Variants in CHCHD3 observed in about 807,000 individuals in gnomAD.
CHCHD3 encodes the protein MICOS complex subunit MIC19.
Under a neutral mutation model 38.2 loss-of-function variants are expected in CHCHD3, and 20 were observed. The ratio of observed to expected loss-of-function variants is 0.52; its 90% CI spans 0.37 to 0.76. The LOEUF (loss-of-function observed/expected upper bound fraction) is 0.76, where lower values mean the gene tolerates loss of function less well. Ranked by LOEUF, CHCHD3 falls within the 30% of genes least tolerant of loss-of-function variation. The pLI is 0.00. For missense variants in CHCHD3, 245 were observed against 279.2 expected, an observed-to-expected ratio of 0.88 and a Z score of 0.87; for synonymous variants, 82 against 100.0, an observed-to-expected ratio of 0.82 and a Z score of 1.07.
intron 4 of CHCHD3, among the ~76,000 whole-genome samples, chr7:132,930,551 T>A (rs1322473277): frequency 1.3e-5 from 2 of 152,154 alleles, no homozygotes; most frequent in Admixed American, 1.3e-4. Flanking sequence ...AATCCTCGAA[T>A]GCAGAGTGTT....
rs185196024 is a variant in CHCHD3 at position 132,839,185 on chromosome 7, T to A, written c.454-716A>T. 2.0e-3 allele frequency among the ~76,000 whole-genome samples: 296 copies of A among 150,028 alleles called. 1 individual carries two copies. Among genetic ancestry groups the A allele is most frequent in the Non-Finnish European group, 1.1e-3 (77 of 67,572 alleles). ...CCAGTCTGGGCAACAAGAGCAAAATTCCATCTCAAAAAAAAAAAAAAGTTT... is the reference window on the plus strand; with the variant it reads ...CCAGTCTGGGCAACAAGAGCAAAATACCATCTCAAAAAAAAAAAAAAGTTT... On this transcript the variant is annotated intron_variant, in intron 5 of 7. Coordinates refer to ENST00000262570, the MANE Select transcript of CHCHD3 (RefSeq NM_017812.4).
chr7:133,049,811 A>G (rs1430571469), intron 2 of CHCHD3, among the ~76,000 whole-genome samples: 1 of 152,230 alleles, frequency 6.6e-6, no homozygotes, highest in Non-Finnish European at 1.5e-5. Context: ...GTGTTTAACC[A>G]TTTAGAATAA....
intron 5 of CHCHD3, among the ~76,000 whole-genome samples, chr7:132,875,520 A>G (rs990320989): frequency 1.3e-5 from 2 of 152,234 alleles, no homozygotes; most frequent in Admixed American, 1.3e-4. Flanking sequence ...TTTCCCCCCA[A>G]AATCCCATGA....
intron 6 of CHCHD3, among the ~76,000 whole-genome samples, chr7:132,807,606 A>ATATATATATAT (rs1806956322): frequency 9.2e-6 from 1 of 108,926 alleles, no homozygotes; most frequent in Non-Finnish European, 1.9e-5. Flanking sequence ...CATACACATA[A>ATATATATATAT]ATATATATAT....
intron 2 of CHCHD3, among the ~76,000 whole-genome samples, chr7:133,063,976 T>C (rs1814597099): frequency 6.6e-6 from 1 of 152,192 alleles, no homozygotes. Context: ...CTTCCCCTGA[T>C]GCCAGGCCTG....
chr7:132,938,862 C>A (rs150975390), intron 4 of CHCHD3, among the ~76,000 whole-genome samples: 54 of 152,224 alleles, frequency 3.5e-4, no homozygotes, highest in African/African-American at 1.3e-3. Context: ...ACCCACTGAC[C>A]CCACTGGGTG....
chr7:132,791,082 A>C (rs1311468660), intron 7 of CHCHD3, among the ~76,000 whole-genome samples: 2 of 152,200 alleles, frequency 1.3e-5, no homozygotes, highest in Non-Finnish European at 2.9e-5. Flanking sequence ...AAGGTCAAAG[A>C]CCTTTAATGC....
chr7:132,815,738 T>G, intron 6 of CHCHD3: 1 of 329,328 alleles, frequency 3.0e-6, no homozygotes, highest in Admixed American at 3.9e-5. Context: ...CTTCCTCCTT[T>G]CTCTCCCCTT....
At chr7:133,041,494 A>C (rs556133936) in intron 2 of CHCHD3, among the ~76,000 whole-genome samples, 2 of 152,274 alleles carry the variant, frequency 1.3e-5, no homozygotes, top group South Asian at 2.1e-4. Context: ...TGGCAAGCTA[A>C]CCTTTAATGA....
At chr7:132,858,941 C>G (rs1161338250) in intron 5 of CHCHD3, among the ~76,000 whole-genome samples, 6 of 152,126 alleles carry the variant, frequency 3.9e-5, no homozygotes, top group African/African-American at 1.2e-4. Context: ...AACTAAGGCC[C>G]TCCAAAATGA....
At chr7:133,055,399 AAT>A (rs1404319233) in intron 2 of CHCHD3, among the ~76,000 whole-genome samples, 5 of 145,066 alleles carry the variant, frequency 3.4e-5, no homozygotes, top group Middle Eastern at 3.6e-3. Flanking sequence ...ATATAATTAT[AAT>A]AGTTATGTTA....
chr7:133,050,876 C>T (rs1186194848), intron 2 of CHCHD3, among the ~76,000 whole-genome samples: 5 of 151,856 alleles, frequency 3.3e-5, no homozygotes, highest in African/African-American at 1.2e-4. Context: ...ATTAGCCAGG[C>T]GTGGTGGAAC....
intron 4 of CHCHD3, among the ~76,000 whole-genome samples, chr7:132,913,948 CTTTTTT>C (rs71178066): frequency 2.0e-5 from 2 of 102,334 alleles, no homozygotes; most frequent in Non-Finnish European, 3.9e-5. Context: ...TTTTCTTTTT[CTTTTTT>C]TTTTTTTTTT....
chr7:132,915,958 T>TAA (rs1810096209), intron 4 of CHCHD3, among the ~76,000 whole-genome samples: 1 of 151,462 alleles, frequency 6.6e-6, no homozygotes, highest in African/African-American at 2.4e-5. Flanking sequence ...TAAAAAAATT[T>TAA]TTTTTTTTTT....
chr7:132,985,667 C>A lies in CHCHD3; in HGVS notation c.252-10381G>T, dbSNP rs866182996. Among the ~76,000 whole-genome samples, 3 of 44,800 alleles carry A rather than the reference C, an allele frequency of 6.7e-5. 1 individual carries two copies. Among genetic ancestry groups the A allele is most frequent in the Non-Finnish European group, 1.3e-4 (3 of 22,578 alleles). The allele number at this position is 44,800 out of a possible 152,430, so 29.4% of individuals were successfully genotyped here. On this transcript the variant is annotated intron_variant, in intron 3 of 7. Transcript: ENST00000262570. ...CCTCTGCCCGGCCAGCCGCCCCATC[C>A]GGGAGGGAGGTGGGGGGGGGGTCAG...
chr7:133,009,537 CAA>C (rs34957591), intron 3 of CHCHD3, among the ~76,000 whole-genome samples: 2 of 136,038 alleles, frequency 1.5e-5, no homozygotes. Context: ...CAGGTTACGA[CAA>C]AAAAAAAAAA....
At chr7:132,983,265 G>A (rs533357520) in intron 3 of CHCHD3, among the ~76,000 whole-genome samples, 3 of 152,188 alleles carry the variant, frequency 2.0e-5, no homozygotes, top group Non-Finnish European at 2.9e-5. Context: ...AGAGGTTGCA[G>A]TGAGCTGAGA....
intron 6 of CHCHD3, among the ~76,000 whole-genome samples, chr7:132,823,773 G>A (rs1163276521): frequency 2.0e-5 from 3 of 152,074 alleles, no homozygotes; most frequent in African/African-American, 2.4e-5. Context: ...AACCACATAC[G>A]TTTGTCTCTC....
At position 133,079,978 on chromosome 7, in the gene CHCHD3, G is replaced by T. The variant is rs182917036; in HGVS notation, c.81+1879C>A. 4.9e-4 allele frequency among the ~76,000 whole-genome samples: 75 copies of T among 152,274 alleles called. No individual in the cohort carries two copies. The East Asian group carries it at 0.013, about 26-fold the overall frequency. ...TGCCACCAGACTCACAGGATTTCAGGACTGGAAAATATTAGAGATCTGAGG... is the reference window on the plus strand; with the variant it reads ...TGCCACCAGACTCACAGGATTTCAGTACTGGAAAATATTAGAGATCTGAGG... On this transcript the variant is annotated intron_variant, in intron 1 of 7. Coordinates refer to ENST00000262570, the MANE Select transcript of CHCHD3 (RefSeq NM_017812.4).
Sources: gnomAD v4.1 joint callset for allele counts (sites outside exome capture counted in the v4.1 genomes callset) on GRCh38, gnomAD v4.1.1 for gene constraint, MANE v1.5 for transcripts, NCBI Gene and HGNC (gene_info 2026-07-23, HGNC 2026-07-21) for gene names.